NR3C2: variants seen among roughly 807,000 people sequenced by gnomAD.
The protein encoded by NR3C2 is nuclear receptor subfamily 3 group C member 2, also known as mineralocorticoid receptor.
In NR3C2, 15 loss-of-function variants were observed where a neutral mutation model predicts 86.4. The ratio of observed to expected loss-of-function variants is 0.17; its 90% CI spans 0.12 to 0.27. The LOEUF is 0.27. Ranked by LOEUF, NR3C2 falls within the 10% of genes least tolerant of loss-of-function variation. NR3C2 has a pLI of 1.00. For missense variants in NR3C2, 960 were observed against 1,195.6 expected, an observed-to-expected ratio of 0.80 and a Z score of 2.91; for synonymous variants, 458 against 450.5, an observed-to-expected ratio of 1.02 and a Z score of -0.21.
At chr4:148,151,264 C>CAT (rs3041314) in intron 6 of NR3C2, among the ~76,000 whole-genome samples, 65,193 of 151,502 alleles carry the variant, frequency 0.43, 14,158 homozygotes, top group East Asian at 0.57. Context: ...TATTTACTCA[C>CAT]GTCCTTTTAA....
intron 2 of NR3C2, among the ~76,000 whole-genome samples, chr4:148,364,279 C>T (rs61762831): frequency 7.9e-5 from 12 of 152,284 alleles, no homozygotes; most frequent in Non-Finnish European, 1.5e-4. Flanking sequence ...GGAAATGAAA[C>T]ATGCGCTTTT....
chr4:148,427,015 C>G (rs1243059042), intron 2 of NR3C2, among the ~76,000 whole-genome samples: 1 of 151,436 alleles, frequency 6.6e-6, no homozygotes, highest in African/African-American at 2.4e-5. Context: ...AAGTGTAGTA[C>G]ACGGTCTCGG....
intron 2 of NR3C2, among the ~76,000 whole-genome samples, chr4:148,408,071 T>C (rs1423342275): frequency 6.6e-6 from 1 of 152,158 alleles, no homozygotes; most frequent in Non-Finnish European, 1.5e-5. Context: ...CCGGCTATTG[T>C]GCTGAAGCAG....
intron 6 of NR3C2, among the ~76,000 whole-genome samples, chr4:148,143,826 A>G (rs1414234687): frequency 2.0e-5 from 3 of 151,908 alleles, no homozygotes; most frequent in African/African-American, 7.3e-5. Flanking sequence ...ACATGCCTGT[A>G]GTCCCAGCTA....
intron 5 of NR3C2, among the ~76,000 whole-genome samples, chr4:148,154,012 T>A (rs1333002566): frequency 6.9e-6 from 1 of 144,226 alleles, no homozygotes; most frequent in Non-Finnish European, 1.6e-5. Flanking sequence ...TATTTTTAAT[T>A]TCTTTTTTTT....
chr4:148,146,271 CCA>C (rs1199581010), intron 6 of NR3C2, among the ~76,000 whole-genome samples: 1 of 152,098 alleles, frequency 6.6e-6, no homozygotes, highest in Non-Finnish European at 1.5e-5. Flanking sequence ...TCAGGAAGAT[CCA>C]CCACTCCCTG....
At chr4:148,201,249 C>G (rs935366364) in intron 3 of NR3C2, 2 of 152,164 alleles carry the variant, frequency 1.3e-5, no homozygotes, top group Non-Finnish European at 2.9e-5. Context: ...TTATAAGCTC[C>G]ATATTCAATG....
chr4:148,441,151 C>T (rs1164161388), intron 1 of NR3C2, among the ~76,000 whole-genome samples: 1 of 152,206 alleles, frequency 6.6e-6, no homozygotes. Context: ...TCTATTCACT[C>T]ACCTAATTTA....
intron 2 of NR3C2, among the ~76,000 whole-genome samples, chr4:148,299,469 A>G (rs1244626023): frequency 1.3e-5 from 2 of 152,144 alleles, no homozygotes; most frequent in Non-Finnish European, 2.9e-5. Flanking sequence ...ACCTCACCCA[A>G]CAGCCACAGA....
chr4:148,220,464 A>G lies in NR3C2; in HGVS notation c.1898-25602T>C, dbSNP rs79175050. On this transcript the variant is annotated intron_variant, in intron 3 of 8. Coordinates refer to ENST00000358102, the MANE Select transcript of NR3C2 (RefSeq NM_000901.5). ...TAAGAACAACAGAGGGAGAGAAACC[A>G]TAAGTTAAGGAAATAGTGGACTGAC... 1.4e-3 allele frequency among the ~76,000 whole-genome samples: 218 copies of G among 152,346 alleles called. 4 individuals are homozygous for G. In the East Asian group the frequency reaches 0.029, roughly 20 times the overall value.
At chr4:148,198,558 C>A (rs1360196550) in intron 3 of NR3C2, among the ~76,000 whole-genome samples, 1 of 152,122 alleles carries the variant, frequency 6.6e-6, no homozygotes, top group Non-Finnish European at 1.5e-5. Context: ...GCTATCAGAG[C>A]CTCAGCCAAG....
intron 8 of NR3C2, among the ~76,000 whole-genome samples, chr4:148,082,224 C>T (rs1730596975): frequency 6.6e-6 from 1 of 152,228 alleles, no homozygotes; most frequent in Admixed American, 6.5e-5. Flanking sequence ...TTCTCAGCCC[C>T]TCCAGACCTG....
chr4:148,142,543 G>A (rs373885305), intron 6 of NR3C2, among the ~76,000 whole-genome samples: 13 of 152,296 alleles, frequency 8.5e-5, no homozygotes, highest in African/African-American at 3.1e-4. Context: ...CACCCAGGCT[G>A]GAGTGCAGTG....
chr4:148,296,249 T>G (rs2149915007), intron 2 of NR3C2, among the ~76,000 whole-genome samples: 1 of 152,158 alleles, frequency 6.6e-6, no homozygotes, highest in Admixed American at 6.5e-5. Context: ...ACTGTCAACT[T>G]ACTTATCTGT....
intron 2 of NR3C2, among the ~76,000 whole-genome samples, chr4:148,349,572 T>C (rs1174625606): frequency 6.6e-6 from 1 of 152,130 alleles, no homozygotes; most frequent in Non-Finnish European, 1.5e-5. Context: ...AGACACTTCC[T>C]GGACTGACGA....
chr4:148,418,532 G>A (rs896887681), intron 2 of NR3C2, among the ~76,000 whole-genome samples: 13 of 152,128 alleles, frequency 8.5e-5, no homozygotes, highest in Admixed American at 8.5e-4. Flanking sequence ...CTACAATAAT[G>A]TTAGAGGTTG....
At chr4:148,300,973 T>C (rs1742311704) in intron 2 of NR3C2, among the ~76,000 whole-genome samples, 1 of 152,202 alleles carries the variant, frequency 6.6e-6, no homozygotes, top group African/African-American at 2.4e-5. Context: ...GTTTCCATTT[T>C]GGGAGAGACC....
intron 7 of NR3C2, among the ~76,000 whole-genome samples, chr4:148,117,760 G>T (rs147788162): frequency 6.6e-6 from 1 of 152,250 alleles, no homozygotes; most frequent in East Asian, 1.9e-4. Flanking sequence ...GGAAACAACA[G>T]CTCTTCATAC....
chr4:148,351,771 CAG>C (rs1355795513), intron 2 of NR3C2, among the ~76,000 whole-genome samples: 3 of 152,170 alleles, frequency 2.0e-5, no homozygotes, highest in Non-Finnish European at 2.9e-5. Flanking sequence ...GTGATAAACT[CAG>C]AGTCTAGGTT....
Sources: gnomAD v4.1 joint callset for allele counts (sites outside exome capture counted in the v4.1 genomes callset) on GRCh38, gnomAD v4.1.1 for gene constraint, MANE v1.5 for transcripts, NCBI Gene and HGNC (gene_info 2026-07-23, HGNC 2026-07-21) for gene names.